The following AUTS2 variants were observed in gnomAD, a reference collection of about 807,000 sequenced individuals.
AUTS2 encodes the protein activator of transcription and developmental regulator AUTS2.
A neutral mutation model predicts 112.4 loss-of-function variants in AUTS2; 17 were observed. That is an observed-to-expected ratio of 0.15 (90% CI 0.10 to 0.23). The LOEUF (loss-of-function observed/expected upper bound fraction) is 0.23. AUTS2 is among the 10% of genes least tolerant of loss of function. The pLI, the probability that AUTS2 is intolerant of heterozygous loss-of-function variation, is 1.00. For missense variants in AUTS2, 1,510 were observed against 1,701.6 expected, an observed-to-expected ratio of 0.89 and a Z score of 1.98; for synonymous variants, 751 against 702.7, an observed-to-expected ratio of 1.07 and a Z score of -1.09.
At chr7:70,519,872 A>G (rs1425668113) in intron 5 of AUTS2, among the ~76,000 whole-genome samples, 1 of 152,208 alleles carries the variant, frequency 6.6e-6, no homozygotes, top group Non-Finnish European at 1.5e-5. Flanking sequence ...CATTCAAGGA[A>G]TCTGAATTGC....
chr7:69,772,959 T>G (rs1352144168), intron 1 of AUTS2, among the ~76,000 whole-genome samples: 1 of 152,222 alleles, frequency 6.6e-6, no homozygotes, highest in East Asian at 1.9e-4. Flanking sequence ...TGAATAAGTT[T>G]AAAAAATTTA....
chr7:70,205,884 C>G (rs1223422295), intron 4 of AUTS2, among the ~76,000 whole-genome samples: 1 of 152,138 alleles, frequency 6.6e-6, no homozygotes, highest in African/African-American at 2.4e-5. Context: ...AAACTTGGTT[C>G]CCGTGGCTTT....
At chr7:69,812,368 A>G (rs1270415894) in intron 1 of AUTS2, among the ~76,000 whole-genome samples, 5 of 152,204 alleles carry the variant, frequency 3.3e-5, no homozygotes, top group African/African-American at 4.8e-5. Context: ...TAGATTTTCC[A>G]TACAGCACAA....
intron 5 of AUTS2, among the ~76,000 whole-genome samples, chr7:70,595,361 G>A (rs900922246): frequency 1.3e-5 from 2 of 152,082 alleles, no homozygotes; most frequent in African/African-American, 4.8e-5. Flanking sequence ...GCTCAGGGGC[G>A]GGGGAGTTTC....
At chr7:69,605,410 C>T (rs986755824) in intron 1 of AUTS2, among the ~76,000 whole-genome samples, 2 of 152,166 alleles carry the variant, frequency 1.3e-5, no homozygotes, top group African/African-American at 2.4e-5. Context: ...GTTACCAACC[C>T]CACCAGGAGG....
At chr7:70,158,464 G>A (rs1327546548) in intron 4 of AUTS2, among the ~76,000 whole-genome samples, 2 of 152,276 alleles carry the variant, frequency 1.3e-5, no homozygotes, top group African/African-American at 2.4e-5. Flanking sequence ...TTATAGAGAG[G>A]CCTCAAGGAT....
intron 5 of AUTS2, among the ~76,000 whole-genome samples, chr7:70,561,273 C>G (rs1033868944): frequency 1.3e-5 from 2 of 152,154 alleles, no homozygotes; most frequent in African/African-American, 4.8e-5. Flanking sequence ...TCCAAAGACT[C>G]TGTACCAGTC....
chr7:70,370,273 A>G (rs1369952310), intron 4 of AUTS2, among the ~76,000 whole-genome samples: 1 of 152,042 alleles, frequency 6.6e-6, no homozygotes, highest in Non-Finnish European at 1.5e-5. Context: ...TTTAGAATCA[A>G]TTTCATGACC....
Position 70,302,879 on chromosome 7 carries a change from A to T in AUTS2, c.661-132873A>T, listed in dbSNP as rs187897001. Among the ~76,000 whole-genome samples, 226 of 148,586 alleles carry T rather than the reference A, an allele frequency of 1.5e-3. 1 individual carries two copies. The highest frequency in any genetic ancestry group is 4.7e-3 in the African/African-American group (190 of 40,308). On this transcript the variant is annotated intron_variant, in intron 4 of 18. Coordinates refer to ENST00000342771, the MANE Select transcript of AUTS2 (RefSeq NM_015570.4). ...GTGCATGCGTGCTGCAAGTATCTGCATGGCATTCTTTTTCCTGAAAGATCT... is the reference window on the plus strand; with the variant it reads ...GTGCATGCGTGCTGCAAGTATCTGCTTGGCATTCTTTTTCCTGAAAGATCT...
chr7:70,114,566 G>A (rs894202024), intron 2 of AUTS2, among the ~76,000 whole-genome samples: 1 of 152,106 alleles, frequency 6.6e-6, no homozygotes, highest in African/African-American at 2.4e-5. Flanking sequence ...GCCGAGGTGG[G>A]CAGATCACCT....
chr7:70,243,231 TTGTGTGTGTGTGTGTGTGTG>T (rs3078161), intron 4 of AUTS2, among the ~76,000 whole-genome samples: 19 of 131,754 alleles, frequency 1.4e-4, no homozygotes, highest in Admixed American at 5.6e-4. Flanking sequence ...GAATGTATCC[TTGTGTGTGTGTGTGTGTGTG>T]TGTGTGTGTG....
chr7:70,695,621 G>A (rs73435061), intron 5 of AUTS2, among the ~76,000 whole-genome samples: 4,777 of 152,330 alleles, frequency 0.031, 249 homozygotes, highest in African/African-American at 0.11. Context: ...AGTGAGGGTG[G>A]GCCTGAAGCA....
intron 6 of AUTS2, among the ~76,000 whole-genome samples, chr7:70,742,933 G>A (rs896879786): frequency 2.0e-4 from 30 of 152,174 alleles, no homozygotes; most frequent in African/African-American, 7.0e-4. Flanking sequence ...AAGGCTCTGC[G>A]AAGTGGAGTG....
intron 4 of AUTS2, among the ~76,000 whole-genome samples, chr7:70,399,419 C>G (rs911974288): frequency 6.6e-6 from 1 of 151,946 alleles, no homozygotes; most frequent in Non-Finnish European, 1.5e-5. Flanking sequence ...CTTTTTAGAG[C>G]TCTGTATCAT....
At chr7:69,771,910 G>A (rs1379598146) in intron 1 of AUTS2, among the ~76,000 whole-genome samples, 6 of 151,528 alleles carry the variant, frequency 4.0e-5, no homozygotes, top group African/African-American at 4.9e-5. Context: ...TCAGCCTCCC[G>A]AGTAGCTGGG....
intron 5 of AUTS2, among the ~76,000 whole-genome samples, chr7:70,471,161 T>A (rs1797366634): frequency 6.6e-6 from 1 of 152,312 alleles, no homozygotes; most frequent in South Asian, 2.1e-4. Context: ...AGGTTCCAAT[T>A]CAAATGGTAT....
chr7:70,240,907 C>G (rs191795045), intron 4 of AUTS2, among the ~76,000 whole-genome samples: 196 of 152,302 alleles, frequency 1.3e-3, no homozygotes, highest in Non-Finnish European at 2.2e-3. Flanking sequence ...GAAAGCAACT[C>G]CAGGACTGTA....
intron 2 of AUTS2, among the ~76,000 whole-genome samples, chr7:70,010,277 C>T (rs2129554123): frequency 6.6e-6 from 1 of 152,222 alleles, no homozygotes; most frequent in Admixed American, 6.5e-5. Context: ...TCCCAAGTGG[C>T]TAGTACTACA....
intron 1 of AUTS2, among the ~76,000 whole-genome samples, chr7:69,769,982 G>A (rs922437142): frequency 2.0e-5 from 3 of 152,180 alleles, no homozygotes; most frequent in African/African-American, 7.2e-5. Context: ...TGGCATTTGT[G>A]GTGGATGGTC....
Sources: allele counts gnomAD v4.1 joint callset (sites outside exome capture counted in the v4.1 genomes callset), GRCh38; gene constraint gnomAD v4.1.1; transcripts MANE v1.5; gene names NCBI Gene and HGNC (gene_info 2026-07-23, HGNC 2026-07-21).